The following RYR3 variants were observed in gnomAD, a reference collection of about 807,000 sequenced individuals.
The protein encoded by RYR3 is brain ryanodine receptor-calcium release channel.
RYR3 carries 207 observed loss-of-function variants against 584.3 expected under a neutral mutation model. The observed-to-expected ratio is 0.35, with a 90% CI of 0.32 to 0.40. The LOEUF is 0.40. RYR3 is among the 10% of genes least tolerant of loss of function. RYR3 has a pLI of 1.00. For synonymous variants in RYR3, 2,416 were observed against 2,248.5 expected, an observed-to-expected ratio of 1.07 and a Z score of -2.11; for missense variants, 5,616 against 6,089.2, an observed-to-expected ratio of 0.92 and a Z score of 2.59.
At chr15:33,739,730 A>C in intron 50 of RYR3, 102 bp from the exon 51 acceptor site, 1 of 926,318 alleles carries the variant, frequency 1.1e-6, no homozygotes, top group Non-Finnish European at 1.6e-6. Context: ...ACCTGGATAA[A>C]TGCGCGTATT....
chr15:33,328,449 T>A (rs1455173492), intron 1 of RYR3, among the ~76,000 whole-genome samples: 1 of 152,228 alleles, frequency 6.6e-6, no homozygotes, highest in African/African-American at 2.4e-5. Context: ...TTTCTTCAGG[T>A]CTAATGTCCC....
At chr15:33,722,918 C>T (rs16957856) in intron 44 of RYR3, 23 bp downstream of exon 44, 200 of 1,539,000 alleles carry the variant, frequency 1.3e-4, no homozygotes, top group African/African-American at 1.3e-3. Context: ...AATTCCCTTC[C>T]GGCACAGATA....
chr15:33,649,532 C>G (rs143945073), intron 31 of RYR3, among the ~76,000 whole-genome samples: 2 of 152,056 alleles, frequency 1.3e-5, no homozygotes, highest in Non-Finnish European at 2.9e-5. Flanking sequence ...TGGGCAAGTC[C>G]CAGTTTCTAC....
At chr15:33,542,783 C>T (rs894122617) in intron 7 of RYR3, among the ~76,000 whole-genome samples, 2 of 152,034 alleles carry the variant, frequency 1.3e-5, no homozygotes, top group African/African-American at 4.8e-5. Context: ...TCATATGTCT[C>T]CTGAGAACAG....
intron 1 of RYR3, among the ~76,000 whole-genome samples, chr15:33,392,214 AAT>A (rs2042041996): frequency 6.8e-6 from 1 of 146,024 alleles, no homozygotes; most frequent in South Asian, 2.1e-4. Flanking sequence ...AAAAAAAAAA[AAT>A]CGAAGTCAAA....
At chr15:33,513,643 G>A (rs1199804422) in intron 3 of RYR3, among the ~76,000 whole-genome samples, 2 of 152,170 alleles carry the variant, frequency 1.3e-5, no homozygotes, top group South Asian at 2.1e-4. Flanking sequence ...CTTGTAGTGA[G>A]GTGGGAGATG....
chr15:33,469,824 A>G (rs2048784909), intron 1 of RYR3, among the ~76,000 whole-genome samples: 1 of 152,214 alleles, frequency 6.6e-6, no homozygotes, highest in South Asian at 2.1e-4. Context: ...ACAAAGACCA[A>G]TCGTTGAGCA....
rs1286203909 is a variant in RYR3 at position 33,726,710 on chromosome 15, C to T, written c.7033+204C>T. The stretch of plus-strand genomic sequence containing the variant: ...CTCTTGTCTTCTCAAGAAGCAATCT[C>T]AAAACAATAAATCGACTCCTGATTC... On this transcript the variant is annotated intron_variant, in intron 46 of 103. Transcript: ENST00000634891. Among the ~76,000 whole-genome samples the T allele has an allele frequency of 2.6e-5, 4 of 152,330 alleles. No individual in the cohort carries two copies. The East Asian group carries it at 5.8e-4, about 22-fold the overall frequency.
intron 1 of RYR3, among the ~76,000 whole-genome samples, chr15:33,381,479 C>T (rs1274554124): frequency 1.3e-5 from 2 of 152,196 alleles, no homozygotes; most frequent in African/African-American, 4.8e-5. Flanking sequence ...TTCCATCTCC[C>T]TGCTGTCTGT....
intron 30 of RYR3, among the ~76,000 whole-genome samples, chr15:33,647,716 C>T (rs1315014867): frequency 1.3e-5 from 2 of 152,138 alleles, no homozygotes; most frequent in Non-Finnish European, 2.9e-5. Context: ...GCCCATTTGC[C>T]ATCAGGGATC....
Position 33,647,476 on chromosome 15 carries a change from C to A in RYR3, c.3978+16C>A. ...TACAACAACAGTAAGTAAATGTGCT[C>A]AATTATGGTTTTAATTATTTGATTC... is the stretch of plus-strand genomic sequence containing the variant. On this transcript the variant is annotated intron_variant, in intron 30 of 103. Coordinates refer to ENST00000634891, the MANE Select transcript of RYR3 (RefSeq NM_001036.6). 2.5e-6 allele frequency: 4 copies of A among 1,575,272 alleles called. No homozygotes were observed. The highest frequency in any genetic ancestry group is 1.1e-5 in the South Asian group (1 of 90,080).
intron 10 of RYR3, among the ~76,000 whole-genome samples, chr15:33,555,145 G>T (rs2056983617): frequency 6.6e-6 from 1 of 152,168 alleles, no homozygotes; most frequent in South Asian, 2.1e-4. Flanking sequence ...TGCTAAGCAT[G>T]GTGTTCTTGG....
intron 72 of RYR3, among the ~76,000 whole-genome samples, 174 bp downstream of exon 72, chr15:33,811,211 T>C (rs1806041676): frequency 6.6e-6 from 1 of 152,112 alleles, no homozygotes; most frequent in Non-Finnish European, 1.5e-5. Context: ...TTTTTAAAAA[T>C]TTACTGGTAC....
At chr15:33,859,489 T>G (rs1277289116) in intron 99 of RYR3, 86 bp from the exon 100 acceptor site, 1 of 1,501,030 alleles carries the variant, frequency 6.7e-7, no homozygotes, top group Non-Finnish European at 9.2e-7. Flanking sequence ...TGCCACAATC[T>G]GACCGAATCA....
Position 33,623,957 on chromosome 15 carries a change from T to A in RYR3, c.2508T>A (p.Asp836Glu). 1 of 1,613,996 alleles carries A rather than the reference T, an allele frequency of 6.2e-7. No homozygotes were observed. Among genetic ancestry groups the A allele is most frequent in the Non-Finnish European group, 8.5e-7 (1 of 1,179,876 alleles). Residue 836 changes from aspartate to glutamate, a missense_variant, in exon 20 of 104, where the codon GAT (aspartate) becomes GAA (glutamate). Around this residue, in one of 9 missense-constraint regions of RYR3, gnomAD observed 1,284 missense variants for 1,344.6 expected, o/e 0.95. Coordinates refer to ENST00000634891, the MANE Select transcript of RYR3 (RefSeq NM_001036.6). ...EYKRDADGIR[D>E]LLGTTQFLSQ... The stretch of plus-strand genomic sequence containing the variant: ...AACGTGATGCTGATGGCATTAGAGA[T>A]CTCTTGGGTACCACCCAGTTCCTCT...
At chr15:33,525,429 G>A (rs1761386041) in intron 3 of RYR3, among the ~76,000 whole-genome samples, 1 of 152,196 alleles carries the variant, frequency 6.6e-6, no homozygotes, top group Admixed American at 6.5e-5. Context: ...AGCAATTTGT[G>A]AAATTGCAAA....
At chr15:33,842,271 C>G (rs1408574040) in intron 91 of RYR3, among the ~76,000 whole-genome samples, 1 of 152,190 alleles carries the variant, frequency 6.6e-6, no homozygotes, top group Non-Finnish European at 1.5e-5. Flanking sequence ...GCAGGGTGTC[C>G]TCTCTCACCT....
intron 2 of RYR3, among the ~76,000 whole-genome samples, chr15:33,473,945 A>G (rs892154666): frequency 6.6e-6 from 1 of 152,166 alleles, no homozygotes; most frequent in Non-Finnish European, 1.5e-5. Flanking sequence ...TGTGTTTCAC[A>G]GTGAGCACAC....
intron 1 of RYR3, among the ~76,000 whole-genome samples, chr15:33,453,786 C>G (rs2047326064): frequency 6.6e-6 from 1 of 152,060 alleles, no homozygotes; most frequent in Non-Finnish European, 1.5e-5. Context: ...TAATGTCTTC[C>G]TGTGTTTTCA....
Sources: gnomAD v4.1 joint callset for allele counts (sites outside exome capture counted in the v4.1 genomes callset) on GRCh38, gnomAD v4.1.1 for gene constraint, gnomAD v4.1.1 regional missense constraint, MANE v1.5 for transcripts, NCBI Gene and HGNC (gene_info 2026-07-23, HGNC 2026-07-21) for gene names.